FRMPD4: variants seen among roughly 807,000 people sequenced by gnomAD.
FRMPD4 encodes FERM and PDZ domain-containing protein 4.
Under a neutral mutation model 94.1 loss-of-function variants are expected in FRMPD4, and 22 were observed. The ratio of observed to expected loss-of-function variants is 0.23; its 90% CI spans 0.17 to 0.33. The LOEUF (loss-of-function observed/expected upper bound fraction) is 0.33. Ranked by LOEUF, FRMPD4 falls within the 10% of genes least tolerant of loss-of-function variation. The pLI, the probability that FRMPD4 is intolerant of heterozygous loss-of-function variation, is 1.00. For synonymous variants in FRMPD4, 631 were observed against 548.6 expected (o/e 1.15, Z -2.10); for missense variants, 1,111 against 1,339.9 (o/e 0.83, Z 2.67).
intron 2 of FRMPD4, among the ~76,000 whole-genome samples, chrX:12,565,300 T>G (rs924534583): frequency 1.2e-4 from 13 of 111,456 alleles, no homozygotes; most frequent in Non-Finnish European, 1.7e-4. Flanking sequence ...CTACACTTTG[T>G]TACTTGATTC....
chrX:11,993,517 C>G (rs1402426243), intron 3 of FRMPD4, among the ~76,000 whole-genome samples: 2 of 111,888 alleles, frequency 1.8e-5, no homozygotes, highest in Admixed American at 9.5e-5. Context: ...AAAATTGCTC[C>G]CTGTTGATAA....
chrX:11,985,298 G>A (rs1162719486), intron 3 of FRMPD4, among the ~76,000 whole-genome samples: 1 of 111,509 alleles, frequency 9.0e-6, no homozygotes, highest in Non-Finnish European at 1.9e-5. Context: ...TACACTCTGG[G>A]CCAGAAAGGA....
intron 1 of FRMPD4, among the ~76,000 whole-genome samples, chrX:11,829,513 T>C (rs2053463151): frequency 8.9e-6 from 1 of 112,116 alleles, no homozygotes; most frequent in Non-Finnish European, 1.9e-5. Context: ...CTCACCATCA[T>C]GATATACACC....
chrX:12,171,836 A>G (rs2056231522), intron 1 of FRMPD4, among the ~76,000 whole-genome samples: 1 of 111,940 alleles, frequency 8.9e-6, no homozygotes, highest in African/African-American at 3.2e-5. Context: ...GAAGAGACTG[A>G]CAATAGCTAA....
intron 2 of FRMPD4, among the ~76,000 whole-genome samples, chrX:12,526,162 C>A (rs5979642): frequency 0.23 from 25,930 of 111,410 alleles, 2,163 homozygotes; most frequent in African/African-American, 0.27. Context: ...TAGCGGTTCC[C>A]ACAAGCGTAT....
At chrX:11,990,386 G>T (rs184736192) in intron 3 of FRMPD4, among the ~76,000 whole-genome samples, 1 of 111,897 alleles carries the variant, frequency 8.9e-6, no homozygotes. Flanking sequence ...TAAATGTGGT[G>T]GTTGCATAAC....
intron 1 of FRMPD4, among the ~76,000 whole-genome samples, chrX:12,413,319 A>T (rs746082210): frequency 2.7e-5 from 3 of 112,051 alleles, no homozygotes; most frequent in Middle Eastern, 4.6e-3. Context: ...AGCTGGCTGG[A>T]TAATCCATTC....
intron 4 of FRMPD4, among the ~76,000 whole-genome samples, chrX:12,669,086 A>G (rs902566920): frequency 9.0e-6 from 1 of 111,605 alleles, no homozygotes; most frequent in Non-Finnish European, 1.9e-5. Context: ...AATGTGGTAA[A>G]GGTGACGGGA....
intron 1 of FRMPD4, among the ~76,000 whole-genome samples, chrX:12,319,566 G>GC (rs1215393335): frequency 8.9e-6 from 1 of 111,776 alleles, no homozygotes; most frequent in African/African-American, 3.3e-5. Flanking sequence ...AAGTAGCATC[G>GC]CGAGTATCAT....
intron 1 of FRMPD4, among the ~76,000 whole-genome samples, chrX:12,384,343 G>A (rs770365266): frequency 7.2e-5 from 8 of 110,980 alleles, no homozygotes; most frequent in East Asian, 5.7e-4. Context: ...TGGCGAAACC[G>A]TATCTCACCA....
chrX:12,254,417 G>C (rs2054086546), intron 1 of FRMPD4, among the ~76,000 whole-genome samples: 1 of 112,036 alleles, frequency 8.9e-6, no homozygotes, highest in African/African-American at 3.2e-5. Context: ...AGCTGAAACA[G>C]CTTGCTTTGG....
chrX:12,245,841 C>T (rs1242808866), intron 1 of FRMPD4, among the ~76,000 whole-genome samples: 1 of 111,051 alleles, frequency 9.0e-6, no homozygotes, highest in Non-Finnish European at 1.9e-5. Context: ...TGGAGTGACT[C>T]AGCAGGAAGC....
intron 3 of FRMPD4, among the ~76,000 whole-genome samples, chrX:11,980,500 C>T (rs2054391726): frequency 9.0e-6 from 1 of 111,440 alleles, no homozygotes; most frequent in Non-Finnish European, 1.9e-5. Flanking sequence ...ATATTTTCCC[C>T]TCTAACTTCT....
intron 2 of FRMPD4, among the ~76,000 whole-genome samples, chrX:12,585,373 A>G (rs1319241036): frequency 5.4e-5 from 6 of 110,372 alleles, no homozygotes; most frequent in Non-Finnish European, 7.6e-5. Flanking sequence ...GGCCCCTGCC[A>G]CCACACCCAG....
chrX:12,456,120 A>G (rs753590054), intron 1 of FRMPD4, among the ~76,000 whole-genome samples: 1 of 112,235 alleles, frequency 8.9e-6, no homozygotes, highest in East Asian at 2.8e-4. Context: ...AATGGACATA[A>G]AGATAACAGA....
intron 4 of FRMPD4, among the ~76,000 whole-genome samples, chrX:12,624,912 A>C (rs942375094): frequency 1.8e-5 from 2 of 110,983 alleles, no homozygotes; most frequent in Non-Finnish European, 3.8e-5. Flanking sequence ...TAATAATAAT[A>C]TATAAGGAAC....
Position 12,388,844 on chromosome X carries a change from T to TAC in FRMPD4, c.42-109835_42-109834insCA, listed in dbSNP as rs1464445949. Among the ~76,000 whole-genome samples the TAC allele has an allele frequency of 3.9e-4, 33 of 85,621 alleles. 1 individual carries two copies. The highest frequency in any genetic ancestry group is 1.6e-3 in the African/African-American group (33 of 20,719). The allele number at this position is 85,621 out of a possible 115,157, so 74.4% of individuals were successfully genotyped here. On this transcript the variant is annotated intron_variant, in intron 1 of 16. Transcript: ENST00000675598. ...ATATATATATATATATATATATATA[T>TAC]ATATATACACACAATGGAGTACTAT...
At chrX:12,053,600 T>C (rs2054837579) in intron 3 of FRMPD4, among the ~76,000 whole-genome samples, 1 of 110,689 alleles carries the variant, frequency 9.0e-6, no homozygotes, top group African/African-American at 3.3e-5. Context: ...AATCGAGGCC[T>C]GCACATCACA....
At chrX:12,332,205 T>G (rs199858151) in intron 1 of FRMPD4, among the ~76,000 whole-genome samples, 1,446 of 65,957 alleles carry the variant, frequency 0.022, 39 homozygotes, top group South Asian at 0.059. Flanking sequence ...TATATATATA[T>G]ATAGAGAGAG....
Sources: gnomAD v4.1 joint callset for allele counts (sites outside exome capture counted in the v4.1 genomes callset) on GRCh38, gnomAD v4.1.1 for gene constraint, MANE v1.5 for transcripts, NCBI Gene and HGNC (gene_info 2026-07-23, HGNC 2026-07-21) for gene names.